Variants in PKNOX2 observed in about 807,000 individuals in gnomAD.
The protein encoded by PKNOX2 is homeobox protein PKNOX2.
A neutral mutation model predicts 53.1 loss-of-function variants in PKNOX2; 14 were observed. That is an observed-to-expected ratio of 0.26 (90% confidence interval 0.17 to 0.41). The LOEUF is 0.41. PKNOX2 is among the 10% of genes least tolerant of loss of function. The pLI is 1.00. For synonymous variants in PKNOX2, 257 were observed against 242.8 expected, an observed-to-expected ratio of 1.06 and a Z score of -0.54; for missense variants, 496 against 602.8, an observed-to-expected ratio of 0.82 and a Z score of 1.85.
rs965114133 is a variant in PKNOX2, at chr11:125,360,741, G to A, written c.88-7105G>A. Reference sequence around the variant, plus strand: ...CCAGCTCTCAGGGTGTGGGCTGTAGGCTGTGTGGATTTTATTAACAATAAC... The same window carrying A: ...CCAGCTCTCAGGGTGTGGGCTGTAGACTGTGTGGATTTTATTAACAATAAC... On this transcript the variant is annotated intron_variant, in intron 4 of 12. Transcript: ENST00000298282. Among the ~76,000 whole-genome samples, 11 of 152,322 alleles carry A rather than the reference G, an allele frequency of 7.2e-5. No individual in the cohort carries two copies. The East Asian group carries it at 1.7e-3, about 24-fold the overall frequency.
chr11:125,255,783 C>T (rs1944364817), intron 2 of PKNOX2, among the ~76,000 whole-genome samples: 1 of 152,052 alleles, frequency 6.6e-6, no homozygotes, highest in African/African-American at 2.4e-5. Flanking sequence ...GAGCAGGGTT[C>T]TGGAGAGACT....
chr11:125,303,384 C>T (rs751801899), intron 2 of PKNOX2, among the ~76,000 whole-genome samples: 48 of 152,146 alleles, frequency 3.2e-4, no homozygotes, highest in Non-Finnish European at 6.2e-4. Flanking sequence ...AGAGCCAGCA[C>T]TGGGCCCAGT....
chr11:125,302,066 G>A (rs936347056), intron 2 of PKNOX2, among the ~76,000 whole-genome samples: 3 of 152,218 alleles, frequency 2.0e-5, no homozygotes, highest in African/African-American at 4.8e-5. Flanking sequence ...GACGCAGTTC[G>A]CCAGCTGCCT....
intron 2 of PKNOX2, among the ~76,000 whole-genome samples, chr11:125,304,747 G>A (rs1340981639): frequency 1.3e-5 from 2 of 152,208 alleles, no homozygotes; most frequent in Non-Finnish European, 1.5e-5. Flanking sequence ...AGGAACAAAT[G>A]TCTCCCTAGA....
At chr11:125,409,176 C>T (rs1335098800) in intron 7 of PKNOX2, among the ~76,000 whole-genome samples, 1 of 152,200 alleles carries the variant, frequency 6.6e-6, no homozygotes, top group East Asian at 1.9e-4. Context: ...ACCTCTCCCA[C>T]ATCCTATTCC....
intron 1 of PKNOX2, among the ~76,000 whole-genome samples, chr11:125,220,721 C>G (rs1027682746): frequency 6.6e-6 from 1 of 152,208 alleles, no homozygotes; most frequent in Non-Finnish European, 1.5e-5. Flanking sequence ...TCCATCCATA[C>G]ACCAAAGCAG....
intron 2 of PKNOX2, among the ~76,000 whole-genome samples, chr11:125,255,800 A>G (rs1295071672): frequency 6.6e-6 from 1 of 151,976 alleles, no homozygotes; most frequent in Non-Finnish European, 1.5e-5. Flanking sequence ...GACTCTGCCC[A>G]GCACCAACAC....
chr11:125,333,855 G>A (rs1270504633), intron 3 of PKNOX2, among the ~76,000 whole-genome samples: 1 of 152,160 alleles, frequency 6.6e-6, no homozygotes. Flanking sequence ...GAAGGGCTGG[G>A]GTGGAGGGGG....
At chr11:125,186,689 C>T (rs980757476) in intron 1 of PKNOX2, among the ~76,000 whole-genome samples, 5 of 152,100 alleles carry the variant, frequency 3.3e-5, no homozygotes, top group Non-Finnish European at 5.9e-5. Context: ...GATAATTGTC[C>T]TTTGATGCAC....
intron 1 of PKNOX2, among the ~76,000 whole-genome samples, chr11:125,168,187 G>C (rs1039150017): frequency 6.6e-6 from 1 of 152,212 alleles, no homozygotes; most frequent in Non-Finnish European, 1.5e-5. Context: ...AAATGCCTGG[G>C]AACCTTGAGA....
At chr11:125,297,793 T>A (rs1177307783) in intron 2 of PKNOX2, among the ~76,000 whole-genome samples, 1 of 152,312 alleles carries the variant, frequency 6.6e-6, no homozygotes, top group East Asian at 1.9e-4. Flanking sequence ...CACACTATTT[T>A]TATTCCTTGA....
intron 10 of PKNOX2, among the ~76,000 whole-genome samples, chr11:125,417,788 C>T (rs1042317052): frequency 6.6e-6 from 1 of 152,030 alleles, no homozygotes; most frequent in African/African-American, 2.4e-5. Flanking sequence ...CACAGCGATG[C>T]TGCCTTTGAT....
chr11:125,331,058 C>T (rs1299556001), intron 2 of PKNOX2, among the ~76,000 whole-genome samples: 1 of 151,514 alleles, frequency 6.6e-6, no homozygotes, highest in East Asian at 1.9e-4. Flanking sequence ...TCACTGAAGT[C>T]CAATTAGCAA....
In PKNOX2 at chr11:125,310,364, G is replaced by A. The variant is rs564350086; in HGVS notation, c.-129-21455G>A. Among the ~76,000 whole-genome samples the A allele has an allele frequency of 1.8e-4, 28 of 151,958 alleles. 1 individual carries two copies. The highest frequency in any genetic ancestry group is 6.8e-3 in the Middle Eastern group (2 of 294). ...ACAAAAATTAACCAGGCATGGTGGCGCATGCCTGTAATCCCAGCTACTCAG... is the reference window on the plus strand; with the variant it reads ...ACAAAAATTAACCAGGCATGGTGGCACATGCCTGTAATCCCAGCTACTCAG... On this transcript the variant is annotated intron_variant, in intron 2 of 12. Coordinates refer to ENST00000298282, the MANE Select transcript of PKNOX2 (RefSeq NM_001382323.2).
chr11:125,279,918 C>T (rs1946434652), intron 2 of PKNOX2, among the ~76,000 whole-genome samples: 1 of 152,110 alleles, frequency 6.6e-6, no homozygotes, highest in South Asian at 2.1e-4. Context: ...GAAAAGGTCA[C>T]CTGCAAGAAA....
intron 2 of PKNOX2, among the ~76,000 whole-genome samples, chr11:125,290,883 G>A (rs745324531): frequency 2.0e-5 from 3 of 151,978 alleles, no homozygotes; most frequent in Non-Finnish European, 4.4e-5. Context: ...AGAGCAGAGT[G>A]TCATATGGGG....
At chr11:125,301,286 G>A (rs576830970) in intron 2 of PKNOX2, among the ~76,000 whole-genome samples, 224 of 152,166 alleles carry the variant, frequency 1.5e-3, no homozygotes, top group Non-Finnish European at 2.5e-3. Context: ...TCAGGTGTTC[G>A]AGATCCTCCA....
chr11:125,195,888 C>T (rs7109444), intron 1 of PKNOX2, among the ~76,000 whole-genome samples: 3 of 49,770 alleles, frequency 6.0e-5, no homozygotes, highest in African/African-American at 1.6e-4. Context: ...TACATGCACA[C>T]ACACACACAC....
Position 125,410,854 on chromosome 11 carries a change from C to T in PKNOX2, c.794C>T (p.Ala265Val), listed in dbSNP as rs562497604. The change falls in exon 9 of 13, where the codon GCC becomes GTC. Residue 265 changes from alanine to valine, a missense_variant. Physicochemically the swap from Ala to Val is moderately conservative, Grantham distance 64. Transcript: ENST00000298282. ...GTCACCCAAGCAATCCCCCAGGGAG[C>T]CATCCAGATCCAGAACACACAGGTG... ...QVVTQAIPQG[A>V]IQIQNTQVNL... 3 of 1,613,824 alleles carry T rather than the reference C, an allele frequency of 1.9e-6. No individual in the cohort carries two copies. The highest frequency in any genetic ancestry group is 1.1e-5 in the South Asian group (1 of 91,070).
Sources: gnomAD v4.1 joint callset for allele counts (sites outside exome capture counted in the v4.1 genomes callset) on GRCh38, gnomAD v4.1.1 for gene constraint, MANE v1.5 for transcripts, NCBI Gene and HGNC (gene_info 2026-07-23, HGNC 2026-07-21) for gene names.